DYNLT3: variants seen among roughly 807,000 people sequenced by gnomAD.
The protein encoded by DYNLT3 is protein 91/23.
In DYNLT3, 4 loss-of-function variants were observed where a neutral mutation model predicts 11.0. The observed-to-expected ratio is 0.36, with a 90% CI of 0.18 to 0.83. The LOEUF (loss-of-function observed/expected upper bound fraction) is 0.83, where lower values mean the gene tolerates loss of function less well. DYNLT3 is among the 40% of genes least tolerant of loss of function. DYNLT3 has a pLI of 0.47. For synonymous variants in DYNLT3, 37 were observed against 31.2 expected (o/e 1.18, Z -0.61); for missense variants, 91 against 91.1 (o/e 1.00, Z 0.01).
chrX:37,841,220 CAAACAAA>C, intron 3 of DYNLT3, 115 bp from the exon 4 acceptor site: 1 of 561,100 alleles, frequency 1.8e-6, no homozygotes, highest in African/African-American at 2.3e-5. Flanking sequence ...AACAAACAAA[CAAACAAA>C]AAACAGAAAA....
chrX:37,842,760 C>T (rs752307144), intron 2 of DYNLT3, among the ~76,000 whole-genome samples: 4 of 111,758 alleles, frequency 3.6e-5, no homozygotes, highest in Non-Finnish European at 7.5e-5. Flanking sequence ...TGAAATGAGA[C>T]AATGAATACC....
rs765589560 is a variant in DYNLT3 at position 37,842,838 on chromosome X, G to T, written c.73-933C>A. ...TGTTAACTACTATTATCATATTGCT[G>T]CTGTTATATTTTATATTTGAGTGAT... is the stretch of plus-strand genomic sequence containing the variant. On this transcript the variant is annotated intron_variant, in intron 2 of 4. Coordinates refer to ENST00000378578, the MANE Select transcript of DYNLT3 (RefSeq NM_006520.3). Among the ~76,000 whole-genome samples, 3 of 112,071 alleles carry T rather than the reference G, an allele frequency of 2.7e-5. No individual in the cohort carries two copies. In the East Asian group the frequency reaches 8.3e-4, roughly 31 times the overall value.
chrX:37,844,295 G>A (rs1930226565), intron 2 of DYNLT3, among the ~76,000 whole-genome samples: 1 of 100,856 alleles, frequency 9.9e-6, no homozygotes, highest in Non-Finnish European at 1.9e-5. Flanking sequence ...CAGTAGAACA[G>A]AAAAGCTTAG....
chrX:37,846,432 G>A (rs1930267465), intron 1 of DYNLT3, 74 bp from the exon 2 acceptor site: 1 of 1,069,339 alleles, frequency 9.4e-7, no homozygotes, highest in Non-Finnish European at 1.3e-6. Flanking sequence ...AATATCCTAG[G>A]CTGGCCTAGA....
intron 2 of DYNLT3, among the ~76,000 whole-genome samples, chrX:37,843,316 G>T (rs540425406): frequency 6.2e-5 from 7 of 112,309 alleles, no homozygotes; most frequent in Non-Finnish European, 1.1e-4. Context: ...TAAAGTAAGA[G>T]CACTCATTTT....
rs764323664 is a variant in DYNLT3 at position 37,842,277 on chromosome X, G to A, written c.73-372C>T. Among the ~76,000 whole-genome samples the A allele has an allele frequency of 2.7e-5, 3 of 111,912 alleles. No individual in the cohort carries two copies. The South Asian group carries it at 1.1e-3, about 41-fold the overall frequency. On this transcript the variant is annotated intron_variant, in intron 2 of 4. Transcript: ENST00000378578. ...AAAAATTATGGTGGGGAAATTAAAA[G>A]GTGCTATCAATTGGTTAACAAGTAG...
rs769482460 is a variant in DYNLT3 at position 37,840,542 on chromosome X, A to G, written c.*33T>C. 2.6e-6 allele frequency: 3 copies of G among 1,148,031 alleles called. No homozygotes were observed. Among genetic ancestry groups the G allele is most frequent in the Non-Finnish European group, 3.5e-6 (3 of 855,933 alleles). The allele number at this position is 1,148,031 out of a possible 1,213,427, so 94.6% of individuals were successfully genotyped here. On this transcript the variant is annotated 3_prime_UTR_variant, in exon 5 of 5. Transcript: ENST00000378578. ...GAAAGGATACACTGACAAATTCTTA[A>G]GTTAATGGCTTTAGCCCAACATTTT... is the stretch of plus-strand genomic sequence containing the variant.
intron 2 of DYNLT3, 58 bp downstream of exon 2, chrX:37,846,259 C>A: frequency 1.8e-6 from 2 of 1,110,214 alleles, no homozygotes; most frequent in Non-Finnish European, 2.4e-6. Flanking sequence ...CAAAATATAG[C>A]TTTTAAAAAT....
intron 2 of DYNLT3, among the ~76,000 whole-genome samples, chrX:37,843,409 T>C (rs148541371): frequency 0.019 from 2,164 of 112,159 alleles, 61 homozygotes; most frequent in African/African-American, 0.066. Context: ...CCACTGTAAA[T>C]AGCCCTGCTA....
chrX:37,846,523 T>C (rs1930268470), intron 1 of DYNLT3, among the ~76,000 whole-genome samples, 165 bp from the exon 2 acceptor site: 2 of 112,126 alleles, frequency 1.8e-5, no homozygotes, highest in African/African-American at 6.5e-5. Flanking sequence ...ACTGAATGCT[T>C]TCCCTACCTA....
intron 3 of DYNLT3, 86 bp downstream of exon 3, chrX:37,841,696 C>T: frequency 2.0e-6 from 2 of 987,517 alleles, no homozygotes; most frequent in East Asian, 3.3e-5. Flanking sequence ...ACTTAAATGT[C>T]TATTGTACAT....
chrX:37,846,465 C>T (rs1334505263), intron 1 of DYNLT3, 107 bp from the exon 2 acceptor site: 2 of 782,665 alleles, frequency 2.6e-6, no homozygotes, highest in African/African-American at 4.2e-5. Context: ...TGTTAAAGGG[C>T]ATCAGGTCTA....
At chrX:37,840,915 C>T in intron 4 of DYNLT3, 113 bp downstream of exon 4, 1 of 793,249 alleles carries the variant, frequency 1.3e-6, no homozygotes, top group Non-Finnish European at 1.9e-6. Flanking sequence ...CAAAGCAATA[C>T]TGTTGATAGT....
At chrX:37,842,371 T>C (rs1020109713) in intron 2 of DYNLT3, among the ~76,000 whole-genome samples, 18 of 111,801 alleles carry the variant, frequency 1.6e-4, no homozygotes, top group Admixed American at 8.6e-4. Context: ...TTTAAAAACA[T>C]AATTCTTATG....
At chrX:37,844,586 A>T (rs1218365009) in intron 2 of DYNLT3, among the ~76,000 whole-genome samples, 1 of 112,283 alleles carries the variant, frequency 8.9e-6, no homozygotes, top group Non-Finnish European at 1.9e-5. Flanking sequence ...TGTTAGAAAC[A>T]TGTTTCTTTT....
At chrX:37,841,952 AAAAGAACAATTTTTACAC>A in intron 2 of DYNLT3, 47 bp from the exon 3 acceptor site, 1 of 1,035,173 alleles carries the variant, frequency 9.7e-7, no homozygotes, top group South Asian at 3.4e-5. Flanking sequence ...AAATTGTTCA[AAAAGAACAATTTTTACAC>A]AAATTGCAGT....
intron 1 of DYNLT3, 157 bp downstream of exon 1, chrX:37,847,324 G>A (rs1930284329): frequency 1.1e-6 from 1 of 896,782 alleles, no homozygotes; most frequent in African/African-American, 2.1e-5. Context: ...GAACGGGTCG[G>A]GCGGGGCGGA....
Position 37,839,199 on chromosome X carries a change from C to T in DYNLT3, c.*1376G>A, listed in dbSNP as rs753107796. On this transcript the variant is annotated 3_prime_UTR_variant, in exon 5 of 5. Transcript: ENST00000378578. ...ATTGCCTTAATATTGTCAATATTAA[C>T]GCTAAGCTTATTCCTCTCCAAAATT... 1.5e-3 allele frequency: 169 copies of T among 111,888 alleles called. 1 individual carries two copies. Among genetic ancestry groups the T allele is most frequent in the African/African-American group, 5.1e-3 (156 of 30,782 alleles). 9.2% of individuals were successfully genotyped at this position (111,888 alleles called of 1,213,427 possible).
At position 37,841,812 on chromosome X, in the gene DYNLT3, C is replaced by A; in HGVS notation, c.166G>T (p.Val56Phe). Residue 56 changes from valine (V) to phenylalanine (F), a missense_variant, in exon 3 of 5, where the codon GTT becomes TTT. By Grantham distance (50) the Val-to-Phe change is conservative. Coordinates refer to ENST00000378578, the MANE Select transcript of DYNLT3 (RefSeq NM_006520.3). Reference protein sequence around the residue: ...SIVEQSLTHLVKLGKAYKYIV... With the variant: ...SIVEQSLTHLFKLGKAYKYIV... ...TATTTATAGGCTTTTCCCAACTTAA[C>A]CAGGTGTGTTAAGGATTGTTCCACT... The A allele has an allele frequency of 8.5e-7, 1 of 1,175,293 alleles. No individual in the cohort carries two copies. Among genetic ancestry groups the A allele is most frequent in the Non-Finnish European group, 1.1e-6 (1 of 870,264 alleles).
Sources: allele counts gnomAD v4.1 joint callset (sites outside exome capture counted in the v4.1 genomes callset), GRCh38; gene constraint gnomAD v4.1.1; transcripts MANE v1.5; gene names NCBI Gene and HGNC (gene_info 2026-07-23, HGNC 2026-07-21).